Variants in DCT observed in about 807,000 individuals in gnomAD.
DCT encodes dopachrome tautomerase.
DCT carries 47 observed loss-of-function variants against 53.0 expected under a neutral mutation model. The ratio of observed to expected loss-of-function variants is 0.89; its 90% CI spans 0.70 to 1.13. The LOEUF is 1.13. Among genes scored for constraint, DCT ranks in the 50% most tolerant of loss-of-function variants. The pLI is 0.00. For synonymous variants in DCT, 244 were observed against 237.0 expected, an observed-to-expected ratio of 1.03 and a Z score of -0.27; for missense variants, 669 against 637.4, an observed-to-expected ratio of 1.05 and a Z score of -0.53.
chr13:94,453,288 A>C (rs1276356058), intron 6 of DCT, among the ~76,000 whole-genome samples: 1 of 152,124 alleles, frequency 6.6e-6, no homozygotes, highest in Non-Finnish European at 1.5e-5. Context: ...ATATTGAGGG[A>C]TGACTATAAT....
rs559495598 is a variant in DCT, at chr13:94,453,177, C to T, written c.1179+6914G>A. ...GATTTAGAGTATACAGAAGGATGTG[C>T]GTACCTTATATGCAAATATAATGCC... is the stretch of plus-strand genomic sequence containing the variant. On this transcript the variant is annotated intron_variant, in intron 6 of 7. Transcript: ENST00000377028. Among the ~76,000 whole-genome samples the T allele has an allele frequency of 3.3e-4, 50 of 152,100 alleles. No individual in the cohort carries two copies. In the Middle Eastern group the frequency reaches 0.01, roughly 31 times the overall value.
At chr13:94,488,782 CATACATAT>C in the DCT span, among the ~76,000 whole-genome samples, 1 of 150,424 alleles carries the variant, frequency 6.6e-6, no homozygotes, top group Non-Finnish European at 1.5e-5. Context: ...CATATATATA[CATACATAT>C]ACACACACAT....
chr13:94,547,847 G>A, the DCT span, among the ~76,000 whole-genome samples: 6 of 151,024 alleles, frequency 4.0e-5, no homozygotes, highest in East Asian at 7.8e-4. Context: ...GAAATTAGCC[G>A]GGCATGGTGG....
chr13:94,497,968 T>C, the DCT span, among the ~76,000 whole-genome samples: 1 of 152,216 alleles, frequency 6.6e-6, no homozygotes, highest in Non-Finnish European at 1.5e-5. Flanking sequence ...CTCTGCACTT[T>C]TCAGTGGAGG....
chr13:94,479,115 C>G lies in DCT; in HGVS notation c.141G>C (p.Glu47Asp). 3 of 1,614,204 alleles carry G rather than the reference C, an allele frequency of 1.9e-6. No homozygotes were observed. The highest frequency in any genetic ancestry group is 2.5e-6 in the Non-Finnish European group (3 of 1,180,022). ...GCTGAGAGCCACAGACATTGGCCGACTCTGCACCCAGGCGTGGGCAGCACT... is the reference window on the plus strand; with the variant it reads ...GCTGAGAGCCACAGACATTGGCCGAGTCTGCACCCAGGCGTGGGCAGCACT... ...NKECCPRLGA[E>D]SANVCGSQQG... is the part of the protein sequence containing the mutation. Residue 47 changes from glutamate to aspartate, a missense_variant, in exon 1 of 8, where the codon GAG (glutamate) becomes GAC (aspartate). Coordinates refer to ENST00000377028, the MANE Select transcript of DCT (RefSeq NM_001922.5).
At chr13:94,469,714 G>T (rs1184171208) in intron 1 of DCT, among the ~76,000 whole-genome samples, 4 of 152,168 alleles carry the variant, frequency 2.6e-5, no homozygotes, top group Non-Finnish European at 2.9e-5. Flanking sequence ...CACAAAAAGG[G>T]ATGACACAGA....
intron 1 of DCT, among the ~76,000 whole-genome samples, chr13:94,476,539 G>A (rs768957731): frequency 7.0e-4 from 103 of 146,868 alleles, no homozygotes; most frequent in Non-Finnish European, 1.1e-3. Flanking sequence ...GCAGTGGCGC[G>A]ATTTCAGCTC....
upstream of DCT, among the ~76,000 whole-genome samples, chr13:94,481,094 A>G (rs1390958008): frequency 6.6e-6 from 1 of 152,168 alleles, no homozygotes; most frequent in African/African-American, 2.4e-5. Flanking sequence ...CCGCAGCTCC[A>G]ATGTCTGCCA....
At chr13:94,453,335 A>G (rs1035653996) in intron 6 of DCT, among the ~76,000 whole-genome samples, 2 of 152,192 alleles carry the variant, frequency 1.3e-5, no homozygotes, top group African/African-American at 4.8e-5. Context: ...ATGAAAAGAA[A>G]TAAACAAAAA....
intron 1 of DCT, 41 bp downstream of exon 1, chr13:94,478,920 A>C: frequency 6.5e-7 from 1 of 1,546,686 alleles, no homozygotes; most frequent in Non-Finnish European, 8.8e-7. Context: ...CTCTTTCCCC[A>C]GCTCTGGCCC....
the DCT span, among the ~76,000 whole-genome samples, chr13:94,497,053 A>C: frequency 6.6e-6 from 1 of 152,232 alleles, no homozygotes; most frequent in African/African-American, 2.4e-5. Context: ...TTGACTGGGC[A>C]CCCAGACATT....
chr13:94,509,094 G>A, the DCT span, among the ~76,000 whole-genome samples: 1 of 152,196 alleles, frequency 6.6e-6, no homozygotes, highest in African/African-American at 2.4e-5. Flanking sequence ...TACCTATTAT[G>A]TTGAGTTGAG....
At chr13:94,502,475 C>A in the DCT span, among the ~76,000 whole-genome samples, 2 of 152,188 alleles carry the variant, frequency 1.3e-5, no homozygotes, top group African/African-American at 2.4e-5. Flanking sequence ...GAGCTCCCAG[C>A]CTCCACCTGC....
chr13:94,490,520 A>AAAAAAAAAAAAAAAC, the DCT span, among the ~76,000 whole-genome samples: 1 of 144,780 alleles, frequency 6.9e-6, no homozygotes, highest in Non-Finnish European at 1.5e-5. Context: ...AAAAAAAAAA[A>AAAAAAAAAAAAAAAC]AAAAAAAAAA....
At chr13:94,524,043 T>C in the DCT span, among the ~76,000 whole-genome samples, 81 of 152,274 alleles carry the variant, frequency 5.3e-4, 1 homozygote, top group Middle Eastern at 0.01. Flanking sequence ...TTGAATTCAA[T>C]AAAATGAGCT....
At chr13:94,508,699 C>T in the DCT span, among the ~76,000 whole-genome samples, 1 of 151,982 alleles carries the variant, frequency 6.6e-6, no homozygotes, top group African/African-American at 2.4e-5. Flanking sequence ...TTGTGTGTGG[C>T]CTGAGAAAGA....
intron 1 of DCT, among the ~76,000 whole-genome samples, chr13:94,477,089 CTATT>C (rs1011245965): frequency 4.6e-5 from 7 of 151,938 alleles, no homozygotes; most frequent in Admixed American, 2.6e-4. Context: ...AAAGCCAGAA[CTATT>C]TATTTATTTA....
the DCT span, among the ~76,000 whole-genome samples, chr13:94,531,498 C>T: frequency 1.3e-5 from 2 of 152,158 alleles, no homozygotes; most frequent in South Asian, 4.1e-4. Context: ...ACATCTACGA[C>T]CGTCTGATCT....
chr13:94,513,987 CAAAAAAAAAAA>C, the DCT span, among the ~76,000 whole-genome samples: 35 of 53,192 alleles, frequency 6.6e-4, no homozygotes, highest in African/African-American at 2.6e-3. Flanking sequence ...AACTCTGTCT[CAAAAAAAAAAA>C]AAAAAAAAAA....
Sources: gnomAD v4.1 joint callset for allele counts (sites outside exome capture counted in the v4.1 genomes callset) on GRCh38, gnomAD v4.1.1 for gene constraint, MANE v1.5 for transcripts, NCBI Gene and HGNC (gene_info 2026-07-23, HGNC 2026-07-21) for gene names.